TBX15: variants seen among roughly 807,000 people sequenced by gnomAD.
TBX15 encodes T-box transcription factor TBX15.
In TBX15, 18 loss-of-function variants were observed where a neutral mutation model predicts 53.9. The ratio of observed to expected loss-of-function variants is 0.33; its 90% CI spans 0.23 to 0.49. TBX15 has a LOEUF of 0.49. TBX15 is among the 20% of genes least tolerant of loss of function. The probability of loss-of-function intolerance (pLI) is 0.98; values close to 1 mark genes in which losing one functional copy is unlikely to be tolerated. For missense variants in TBX15, 692 were observed against 749.5 expected, an observed-to-expected ratio of 0.92 and a Z score of 0.90; for synonymous variants, 295 against 278.0, an observed-to-expected ratio of 1.06 and a Z score of -0.61.
At position 118,885,064 on chromosome 1, in the gene TBX15, G is replaced by T; in HGVS notation, c.1477C>A (p.Pro493Thr). 1 of 1,614,140 alleles carries T rather than the reference G, an allele frequency of 6.2e-7. No homozygotes were observed. The highest frequency in any genetic ancestry group is 8.5e-7 in the Non-Finnish European group (1 of 1,180,030). ...AGNAASSSSS[P>T]HMFGGSHMQQ... is the part of the protein sequence containing the mutation. ...ATGTGGCTGCCCCCGAACATGTGTG[G>T]TGATGAGGAGCTGGAGGCAGCATTG... The change falls in exon 8 of 8, where the codon CCA becomes ACA. Residue 493 changes from proline (P) to threonine (T), a missense_variant. By Grantham distance (38) the Pro-to-Thr change is conservative. Around this residue, in one of 3 missense-constraint regions of TBX15, gnomAD observed 375 missense variants for 371.6 expected, o/e 1.01. Transcript: ENST00000369429.
chr1:118,911,180 C>T (rs1173264239), intron 6 of TBX15, among the ~76,000 whole-genome samples: 1 of 152,172 alleles, frequency 6.6e-6, no homozygotes, highest in Non-Finnish European at 1.5e-5. Flanking sequence ...GGAAAACTGC[C>T]TAACCTCTCT....
At chr1:118,917,636 G>C (rs1266377446) in intron 5 of TBX15, among the ~76,000 whole-genome samples, 1 of 152,140 alleles carries the variant, frequency 6.6e-6, no homozygotes, top group Non-Finnish European at 1.5e-5. Context: ...AAGTGGGAAA[G>C]AATAACACAT....
chr1:118,970,778 G>A (rs762484158), intron 1 of TBX15, among the ~76,000 whole-genome samples: 10 of 152,148 alleles, frequency 6.6e-5, no homozygotes, highest in Non-Finnish European at 1.5e-4. Flanking sequence ...TGATTACCCT[G>A]TGTTTGAGGG....
intron 7 of TBX15, among the ~76,000 whole-genome samples, chr1:118,886,011 C>A (rs1157468989): frequency 9.2e-5 from 14 of 152,130 alleles, no homozygotes. Flanking sequence ...ATGCAGGACA[C>A]CAACGCGGGA....
intron 1 of TBX15, among the ~76,000 whole-genome samples, chr1:118,964,937 T>C (rs1241859963): frequency 6.6e-6 from 1 of 152,262 alleles, no homozygotes; most frequent in Non-Finnish European, 1.5e-5. Flanking sequence ...TAACACTAAT[T>C]AGTTGTAACA....
At chr1:118,935,977 T>A (rs1026273052) in intron 1 of TBX15, among the ~76,000 whole-genome samples, 82 of 152,076 alleles carry the variant, frequency 5.4e-4, no homozygotes, top group African/African-American at 1.8e-3. Flanking sequence ...AATGGTCAGA[T>A]CTCCCCAAAA....
intron 1 of TBX15, among the ~76,000 whole-genome samples, chr1:118,953,195 C>T (rs1656574871): frequency 6.6e-6 from 1 of 152,108 alleles, no homozygotes; most frequent in South Asian, 2.1e-4. Flanking sequence ...CTTAGGTTGT[C>T]CTCTGAACCT....
At chr1:118,950,539 C>A (rs903592815) in intron 1 of TBX15, among the ~76,000 whole-genome samples, 3 of 152,214 alleles carry the variant, frequency 2.0e-5, no homozygotes, top group Admixed American at 6.5e-5. Context: ...TGAAAATATA[C>A]AAGCACCTTC....
intron 6 of TBX15, among the ~76,000 whole-genome samples, chr1:118,906,461 G>T (rs1006429941): frequency 6.6e-6 from 1 of 151,994 alleles, no homozygotes; most frequent in East Asian, 1.9e-4. Flanking sequence ...TAGGCACTTT[G>T]ATTCCTCATC....
chr1:118,900,809 T>C (rs1654604330), intron 6 of TBX15, among the ~76,000 whole-genome samples: 1 of 152,068 alleles, frequency 6.6e-6, no homozygotes, highest in Non-Finnish European at 1.5e-5. Context: ...ATAGAAGAAA[T>C]AGATAGGCCA....
At chr1:118,957,541 T>C (rs1656734755) in intron 1 of TBX15, among the ~76,000 whole-genome samples, 1 of 152,238 alleles carries the variant, frequency 6.6e-6, no homozygotes, top group African/African-American at 2.4e-5. Context: ...TACATATGTA[T>C]ACATGTGCCA....
At chr1:118,982,878 T>C (rs1455793187) in intron 1 of TBX15, among the ~76,000 whole-genome samples, 1 of 152,208 alleles carries the variant, frequency 6.6e-6, no homozygotes, top group East Asian at 1.9e-4. Flanking sequence ...CAAATCAAGA[T>C]ACCCAAAGTG....
At chr1:118,943,161 T>C (rs982116761) in intron 1 of TBX15, among the ~76,000 whole-genome samples, 1 of 152,192 alleles carries the variant, frequency 6.6e-6, no homozygotes, top group Non-Finnish European at 1.5e-5. Context: ...ATAAATTGTT[T>C]CCATCATTTG....
chr1:118,986,489 T>C (rs530258466), intron 1 of TBX15, among the ~76,000 whole-genome samples: 2 of 152,302 alleles, frequency 1.3e-5, no homozygotes, highest in South Asian at 2.1e-4. Context: ...CTCGGGAGCA[T>C]GGAAATTGAA....
chr1:118,980,892 G>A (rs1206780446), intron 1 of TBX15, among the ~76,000 whole-genome samples: 1 of 151,902 alleles, frequency 6.6e-6, no homozygotes, highest in Non-Finnish European at 1.5e-5. Context: ...GAGTGCAGTG[G>A]CACTATCTCG....
chr1:118,951,315 T>G (rs571330884), intron 1 of TBX15, among the ~76,000 whole-genome samples: 1 of 152,330 alleles, frequency 6.6e-6, no homozygotes, highest in East Asian at 1.9e-4. Context: ...TTCTAAATTC[T>G]TGGGATACAC....
At chr1:118,935,779 C>T (rs1465136016) in intron 1 of TBX15, among the ~76,000 whole-genome samples, 1 of 152,216 alleles carries the variant, frequency 6.6e-6, no homozygotes, top group Non-Finnish European at 1.5e-5. Flanking sequence ...AGTACGTTCA[C>T]TTCTCACTCT....
chr1:118,924,006 T>A (rs1191103616), intron 4 of TBX15, among the ~76,000 whole-genome samples: 3 of 152,240 alleles, frequency 2.0e-5, no homozygotes, highest in African/African-American at 7.2e-5. Flanking sequence ...CATTATTGAA[T>A]ATGTGAACAT....
Position 118,987,939 on chromosome 1 carries a change from T to C in TBX15, c.-144A>G. On this transcript the variant is annotated 5_prime_UTR_variant, in exon 1 of 8. Transcript: ENST00000369429. ...GCTGAGACTGCGGCTCGCGGGTCTCTCCACCCTCCCCCTGCGTCCTCCTCC... is the reference window on the plus strand; with the variant it reads ...GCTGAGACTGCGGCTCGCGGGTCTCCCCACCCTCCCCCTGCGTCCTCCTCC... 1.0e-6 allele frequency: 1 copy of C among 992,440 alleles called. No homozygotes were observed. Among genetic ancestry groups the C allele is most frequent in the Non-Finnish European group, 1.5e-6 (1 of 684,058 alleles). 61.5% of individuals were successfully genotyped at this position (992,440 alleles called of 1,614,324 possible).
Sources: gnomAD v4.1 joint callset for allele counts (sites outside exome capture counted in the v4.1 genomes callset) on GRCh38, gnomAD v4.1.1 for gene constraint, gnomAD v4.1.1 regional missense constraint, MANE v1.5 for transcripts, NCBI Gene and HGNC (gene_info 2026-07-23, HGNC 2026-07-21) for gene names.